PCDH9: variants seen among roughly 807,000 people sequenced by gnomAD.
The protein encoded by PCDH9 is protocadherin-9.
A neutral mutation model predicts 70.6 loss-of-function variants in PCDH9; 24 were observed. The ratio of observed to expected loss-of-function variants is 0.34; its 90% confidence interval spans 0.25 to 0.48. PCDH9 has a LOEUF of 0.48. Among genes scored for constraint, PCDH9 ranks in the 20% least tolerant of loss-of-function variants. The probability of loss-of-function intolerance (pLI) is 0.99; values close to 1 mark genes in which losing one functional copy is unlikely to be tolerated. For synonymous variants in PCDH9, 562 were observed against 558.5 expected (o/e 1.01, Z -0.09); for missense variants, 1,281 against 1,503.6 (o/e 0.85, Z 2.45).
intron 2 of PCDH9, among the ~76,000 whole-genome samples, chr13:67,166,817 C>T (rs1351541418): frequency 6.6e-6 from 1 of 152,150 alleles, no homozygotes; most frequent in Admixed American, 6.5e-5. Flanking sequence ...CTGCGTTTGT[C>T]TGGCTAAAAG....
At chr13:66,629,057 C>G (rs1053920597) in intron 4 of PCDH9, among the ~76,000 whole-genome samples, 1 of 152,138 alleles carries the variant, frequency 6.6e-6, no homozygotes, top group African/African-American at 2.4e-5. Context: ...ATTTACTGTA[C>G]CCAGAATTTT....
At chr13:66,930,277 A>T (rs1594274245) in intron 2 of PCDH9, among the ~76,000 whole-genome samples, 3 of 152,314 alleles carry the variant, frequency 2.0e-5, no homozygotes, top group Admixed American at 2.0e-4. Flanking sequence ...AAAATGACCA[A>T]AATTTATTTC....
chr13:66,700,923 AATATATATATATATATATATATATAT>A lies in PCDH9; in HGVS notation c.3139-69538_3139-69513del, dbSNP rs58852431. Among the ~76,000 whole-genome samples, 85 of 58,454 alleles carry A rather than the reference AATATATATATATATATATATATATAT, an allele frequency of 1.5e-3. 1 individual carries two copies. The South Asian group carries it at 0.02, about 14-fold the overall frequency. 38.3% of individuals were successfully genotyped at this position (58,454 alleles called of 152,430 possible). A position where few individuals can be genotyped will look rare whatever the true frequency, so the allele number is the denominator to read the frequency against. ...ATGAAAATATATGTGTGTACATATA[AATATATATATATATATATATATATAT>A]ATATATATATATATATATATACTTT... On this transcript the variant is annotated intron_variant, in intron 3 of 4. Transcript: ENST00000377865.
intron 2 of PCDH9, among the ~76,000 whole-genome samples, chr13:67,188,822 G>A (rs1348907233): frequency 2.0e-5 from 3 of 151,866 alleles, no homozygotes; most frequent in Non-Finnish European, 4.4e-5. Context: ...AGGGGAACAG[G>A]TGGTATTTGG....
intron 4 of PCDH9, among the ~76,000 whole-genome samples, chr13:66,367,387 A>G (rs888501060): frequency 2.6e-5 from 4 of 152,174 alleles, no homozygotes; most frequent in African/African-American, 7.2e-5. Flanking sequence ...AAAAGTCAAT[A>G]AACAATTATT....
intron 4 of PCDH9, among the ~76,000 whole-genome samples, chr13:66,483,545 T>C (rs1485190703): frequency 1.3e-5 from 2 of 152,160 alleles, no homozygotes; most frequent in African/African-American, 4.8e-5. Context: ...AGTGTACACA[T>C]AGAAAAGTAA....
chr13:66,979,511 T>C (rs2083694170), intron 2 of PCDH9, among the ~76,000 whole-genome samples: 1 of 152,104 alleles, frequency 6.6e-6, no homozygotes, highest in Admixed American at 6.6e-5. Context: ...CACCTTATGT[T>C]TTCTCAAAGG....
chr13:66,532,376 C>T lies in PCDH9; in HGVS notation c.3340+98834G>A, dbSNP rs185930395. Among the ~76,000 whole-genome samples, 4 of 152,020 alleles carry T rather than the reference C, an allele frequency of 2.6e-5. No homozygotes were observed. The East Asian group carries it at 7.7e-4, about 29-fold the overall frequency. ...ATGGGTGAGTCAGCATAGAATTTGT[C>T]TAAATAAGGATTGGAAAACATTTAT... On this transcript the variant is annotated intron_variant, in intron 4 of 4. Coordinates refer to ENST00000377865, the MANE Select transcript of PCDH9 (RefSeq NM_203487.3).
intron 4 of PCDH9, among the ~76,000 whole-genome samples, chr13:66,386,057 ATTAAT>A (rs764516449): frequency 1.3e-5 from 2 of 151,944 alleles, no homozygotes; most frequent in African/African-American, 2.4e-5. Context: ...TTGGTAATAC[ATTAAT>A]TTAATGGTCC....
At chr13:67,010,042 G>A (rs2084424363) in intron 2 of PCDH9, among the ~76,000 whole-genome samples, 1 of 151,962 alleles carries the variant, frequency 6.6e-6, no homozygotes, top group Non-Finnish European at 1.5e-5. Flanking sequence ...AATGTGAAGA[G>A]CAAGTTAATC....
chr13:66,832,882 C>T (rs1379502264), intron 3 of PCDH9, among the ~76,000 whole-genome samples: 2 of 152,110 alleles, frequency 1.3e-5, no homozygotes, highest in African/African-American at 4.8e-5. Context: ...TAGCACTGAA[C>T]TTATTTCTAC....
chr13:66,506,047 T>C (rs889465861), intron 4 of PCDH9, among the ~76,000 whole-genome samples: 8 of 152,186 alleles, frequency 5.3e-5, no homozygotes, highest in African/African-American at 1.4e-4. Flanking sequence ...AGAGTAAATC[T>C]CCTAACCATG....
At chr13:66,725,287 C>A (rs954537871) in intron 3 of PCDH9, among the ~76,000 whole-genome samples, 1 of 152,186 alleles carries the variant, frequency 6.6e-6, no homozygotes, top group Non-Finnish European at 1.5e-5. Context: ...ATTGTCCAAG[C>A]TATTATCACC....
chr13:66,716,662 C>A (rs1194018844), intron 3 of PCDH9, among the ~76,000 whole-genome samples: 4 of 152,120 alleles, frequency 2.6e-5, no homozygotes, highest in Non-Finnish European at 5.9e-5. Context: ...CTTGGATGGG[C>A]AATGTCAATA....
chr13:66,383,354 A>G (rs1956878587), intron 4 of PCDH9, among the ~76,000 whole-genome samples: 1 of 152,218 alleles, frequency 6.6e-6, no homozygotes, highest in Admixed American at 6.5e-5. Context: ...TCTTCTAAGA[A>G]AAATTGAGTG....
At chr13:66,757,647 AC>A (rs1284096255) in intron 3 of PCDH9, among the ~76,000 whole-genome samples, 1 of 152,122 alleles carries the variant, frequency 6.6e-6, no homozygotes, top group Non-Finnish European at 1.5e-5. Context: ...CATATATAAA[AC>A]GTATGAGGAA....
At position 67,098,037 on chromosome 13, in the gene PCDH9, G is replaced by T. The variant is rs967425915; in HGVS notation, c.3036+127368C>A. ...AACACACATATACATGCAATCACATGGATGCAAAAACGCTTACACAAACAA... is the reference window on the plus strand; with the variant it reads ...AACACACATATACATGCAATCACATTGATGCAAAAACGCTTACACAAACAA... On this transcript the variant is annotated intron_variant, in intron 2 of 4. Coordinates refer to ENST00000377865, the MANE Select transcript of PCDH9 (RefSeq NM_203487.3). Among the ~76,000 whole-genome samples the T allele has an allele frequency of 2.0e-5, 3 of 152,054 alleles. No individual in the cohort carries two copies. The South Asian group carries it at 6.2e-4, about 31-fold the overall frequency.
chr13:66,559,677 G>A (rs995810298), intron 4 of PCDH9, among the ~76,000 whole-genome samples: 1 of 149,998 alleles, frequency 6.7e-6, no homozygotes, highest in Admixed American at 6.6e-5. Context: ...GCGGGTGCCT[G>A]TAGTCCCAGC....
chr13:66,646,198 A>C (rs1000384101), intron 3 of PCDH9, among the ~76,000 whole-genome samples: 1 of 152,228 alleles, frequency 6.6e-6, no homozygotes, highest in African/African-American at 2.4e-5. Flanking sequence ...ATACATTAAC[A>C]TAAACAGAGA....
Sources: gnomAD v4.1 joint callset for allele counts (sites outside exome capture counted in the v4.1 genomes callset) on GRCh38, gnomAD v4.1.1 for gene constraint, MANE v1.5 for transcripts, NCBI Gene and HGNC (gene_info 2026-07-23, HGNC 2026-07-21) for gene names.